The following NUP188 variants were observed in gnomAD, a reference collection of about 807,000 sequenced individuals.
NUP188 encodes nucleoporin NUP188.
NUP188 carries 97 observed loss-of-function variants against 223.0 expected under a neutral mutation model. The observed-to-expected ratio is 0.43, with a 90% CI of 0.37 to 0.51. The LOEUF (loss-of-function observed/expected upper bound fraction) is 0.51. Among genes scored for constraint, NUP188 ranks in the 20% least tolerant of loss-of-function variants. The pLI, the probability that NUP188 is intolerant of heterozygous loss-of-function variation, is 0.00. For synonymous variants in NUP188, 869 were observed against 828.0 expected (o/e 1.05, Z -0.85); for missense variants, 1,947 against 2,175.6 (o/e 0.89, Z 2.09).
At chr9:128,949,466 G>T (rs943074422) in intron 2 of NUP188, among the ~76,000 whole-genome samples, 1 of 151,722 alleles carries the variant, frequency 6.6e-6, no homozygotes, top group Non-Finnish European at 1.5e-5. Flanking sequence ...TCGAGTAGCT[G>T]GGATTACAGG....
intron 33 of NUP188, 24 bp downstream of exon 33, chr9:128,999,341 C>T (rs772859779): frequency 1.9e-6 from 3 of 1,610,112 alleles, no homozygotes; most frequent in Non-Finnish European, 2.5e-6. Context: ...GCAGGGGGAG[C>T]AGCAGCTGCA....
chr9:128,949,066 T>A, intron 1 of NUP188, 123 bp from the exon 2 acceptor site: 1 of 661,872 alleles, frequency 1.5e-6, no homozygotes, highest in South Asian at 1.9e-5. Context: ...TCCAAAAATT[T>A]AACAAATCGT....
At position 128,979,298 on chromosome 9, in the gene NUP188, C is replaced by T. The variant is rs139672829; in HGVS notation, c.1240C>T (p.Pro414Ser). ...IDTACEVLAD[P>S]SLPELFWGTE... is the part of the protein sequence containing the mutation. ...TACAGCATGTGAAGTATTGGCCGAC[C>T]CTTCTCTTCCGGAACTGTTCTGGGG... Residue 414 changes from proline to serine, a missense_variant, in exon 13 of 44, where the codon CCT becomes TCT. By Grantham distance (74) the Pro-to-Ser change is moderately conservative. Around this residue, in one of 3 missense-constraint regions of NUP188, gnomAD observed 817 missense variants for 865.8 expected, o/e 0.94. Transcript: ENST00000372577. The T allele has an allele frequency of 2.5e-6, 4 of 1,612,254 alleles. No individual in the cohort carries two copies. The highest frequency in any genetic ancestry group is 3.4e-6 in the Non-Finnish European group (4 of 1,178,820).
intron 3 of NUP188, among the ~76,000 whole-genome samples, 166 bp from the exon 4 acceptor site, chr9:128,956,184 T>G (rs997257688): frequency 1.6e-4 from 17 of 104,060 alleles, no homozygotes; most frequent in East Asian, 4.2e-4. Context: ...GGTGAATGGG[T>G]GTGTGTGTGT....
At chr9:128,969,621 C>G (rs1317151958) in intron 10 of NUP188, 107 bp downstream of exon 10, 2 of 613,204 alleles carry the variant, frequency 3.3e-6, no homozygotes, top group Middle Eastern at 2.7e-4. Flanking sequence ...CTACATTGTT[C>G]AGTGATGCAG....
chr9:128,957,535 G>C (rs1010848701), intron 5 of NUP188, among the ~76,000 whole-genome samples: 1 of 151,918 alleles, frequency 6.6e-6, no homozygotes, highest in Admixed American at 6.6e-5. Flanking sequence ...CGTGATCTTG[G>C]CTCACTGGAA....
intron 29 of NUP188, 84 bp downstream of exon 29, chr9:128,995,007 G>C (rs1842497347): frequency 9.8e-7 from 1 of 1,016,778 alleles, no homozygotes. Context: ...ATGGCTGGAA[G>C]AGCCAAGGCA....
Position 129,001,531 on chromosome 9 carries a change from G to A in NUP188, c.3846G>A (p.Val1282=), listed in dbSNP as rs556102457. The change falls in exon 35 of 44, where the codon GTG becomes GTA. Residue 1282 remains valine (V), a splice_region_variant and synonymous_variant. Transcript: ENST00000372577. ...RSRHRDQRDG[V]CVLGLHLAKE... ...TACTCATCTTTGCCTCTGGGCAGGT[G>A]TGTGTCCTGGGCCTGCACCTGGCCA... The A allele has an allele frequency of 6.2e-7, 1 of 1,612,850 alleles. No homozygotes were observed. The highest frequency in any genetic ancestry group is 8.5e-7 in the Non-Finnish European group (1 of 1,179,228).
In NUP188 at chr9:128,972,708, G is replaced by C. The variant is rs543391815; in HGVS notation, c.1114-452G>C. Among the ~76,000 whole-genome samples the C allele has an allele frequency of 1.5e-3, 222 of 152,138 alleles. 1 individual carries two copies. The highest frequency in any genetic ancestry group is 2.2e-3 in the Non-Finnish European group (150 of 68,002). Reference sequence around the variant, plus strand: ...GGCAGAGGATATATGGGAAATCTTTGTACTTTTCTGCTCAGTTTTGCTATG... The same window carrying C: ...GGCAGAGGATATATGGGAAATCTTTCTACTTTTCTGCTCAGTTTTGCTATG... On this transcript the variant is annotated intron_variant, in intron 11 of 43. Coordinates refer to ENST00000372577, the MANE Select transcript of NUP188 (RefSeq NM_015354.3).
chr9:128,973,055 C>T (rs1426267987), intron 11 of NUP188, 105 bp from the exon 12 acceptor site: 1 of 509,872 alleles, frequency 2.0e-6, no homozygotes, highest in East Asian at 3.4e-5. Flanking sequence ...TTCAGATTTC[C>T]TTCCCATTTG....
chr9:128,960,237 GTTTTTGTTTTTTTTGT>G (rs1332001968), intron 8 of NUP188, among the ~76,000 whole-genome samples: 11 of 149,598 alleles, frequency 7.4e-5, no homozygotes, highest in African/African-American at 2.7e-4. Context: ...CTAATTTTTT[GTTTTTGTTTTTTTTGT>G]TTTTTGTTTT....
chr9:128,970,691 A>G, intron 10 of NUP188, 67 bp from the exon 11 acceptor site: 1 of 1,365,334 alleles, frequency 7.3e-7, no homozygotes, highest in Non-Finnish European at 1.0e-6. Flanking sequence ...AGCGTGATGA[A>G]GAATCTGGTC....
intron 19 of NUP188, among the ~76,000 whole-genome samples, chr9:128,984,101 C>T (rs1433112438): frequency 7.0e-6 from 1 of 143,482 alleles, no homozygotes; most frequent in South Asian, 2.2e-4. Context: ...GGATTATAGG[C>T]GTGAGCCACC....
intron 8 of NUP188, among the ~76,000 whole-genome samples, chr9:128,966,162 T>C (rs1175277121): frequency 1.6e-4 from 23 of 146,886 alleles, no homozygotes; most frequent in African/African-American, 4.9e-4. Flanking sequence ...TGTGTGTGTG[T>C]GTGTGTGCGT....
chr9:129,006,403 A>G (rs750638932), intron 43 of NUP188, 35 bp downstream of exon 43: 4 of 1,614,136 alleles, frequency 2.5e-6, no homozygotes, highest in Non-Finnish European at 3.4e-6. Context: ...GGCTGGACCA[A>G]TAGGGCCAGA....
intron 24 of NUP188, among the ~76,000 whole-genome samples, chr9:128,989,708 C>T (rs928781681): frequency 1.3e-5 from 2 of 152,030 alleles, no homozygotes; most frequent in African/African-American, 4.8e-5. Flanking sequence ...TGGTGCACGC[C>T]AGTAATCCCA....
chr9:128,963,272 G>A (rs970783727), intron 8 of NUP188, among the ~76,000 whole-genome samples: 2 of 150,944 alleles, frequency 1.3e-5, no homozygotes, highest in Non-Finnish European at 2.9e-5. Flanking sequence ...TTGCTGAGTC[G>A]TAAATGTAAA....
chr9:128,948,765 G>GCCCAGGCCC (rs1841731250), intron 1 of NUP188: 1 of 112,572 alleles, frequency 8.9e-6, no homozygotes, highest in Non-Finnish European at 1.7e-5. Flanking sequence ...TCGCTCTGTC[G>GCCCAGGCCC]CCCAGGCTGG....
Position 128,999,635 on chromosome 9 carries a change from C to T in NUP188, c.3673C>T (p.Pro1225Ser). The change falls in exon 34 of 44, where the codon CCC becomes TCC. Residue 1225 changes from proline (P) to serine (S), a missense_variant. Pro to Ser is a moderately conservative substitution (Grantham distance 74). This residue lies in a region of NUP188 where 905 missense variants were observed against 990.6 expected (regional missense o/e 0.91). Coordinates refer to ENST00000372577, the MANE Select transcript of NUP188 (RefSeq NM_015354.3). ...TGTCTATTCTACAGTAAGTGACATC[C>T]CCCAGTACTCCCAGCTGGTGCTGAA... Reference protein sequence around the residue: ...QMKEMKVSDIPQYSQLVLNVC... With the variant: ...QMKEMKVSDISQYSQLVLNVC... The T allele has an allele frequency of 6.2e-7, 1 of 1,614,050 alleles. No individual in the cohort carries two copies. Among genetic ancestry groups the T allele is most frequent in the Non-Finnish European group, 8.5e-7 (1 of 1,179,984 alleles).
Sources: gnomAD v4.1 joint callset for allele counts (sites outside exome capture counted in the v4.1 genomes callset) on GRCh38, gnomAD v4.1.1 for gene constraint, gnomAD v4.1.1 regional missense constraint, MANE v1.5 for transcripts, NCBI Gene and HGNC (gene_info 2026-07-23, HGNC 2026-07-21) for gene names.